Variants in CDH7 observed in about 807,000 individuals in gnomAD.
CDH7 encodes cadherin 7, also known as cadherin-7.
CDH7 carries 25 observed loss-of-function variants against 71.8 expected under a neutral mutation model. That is an observed-to-expected ratio of 0.35 (90% CI 0.25 to 0.49). The LOEUF (loss-of-function observed/expected upper bound fraction) is 0.49. CDH7 is among the 20% of genes least tolerant of loss of function. The pLI is 0.99. For missense variants in CDH7, 862 were observed against 974.6 expected, an observed-to-expected ratio of 0.88 and a Z score of 1.54; for synonymous variants, 381 against 363.8, an observed-to-expected ratio of 1.05 and a Z score of -0.54.
chr18:65,820,864 G>T (rs1045258649), intron 4 of CDH7, among the ~76,000 whole-genome samples: 1 of 151,964 alleles, frequency 6.6e-6, no homozygotes, highest in African/African-American at 2.4e-5. Flanking sequence ...TTAGTTGAGG[G>T]GTTATAGACT....
intron 7 of CDH7, among the ~76,000 whole-genome samples, chr18:65,848,035 A>G (rs1390685008): frequency 6.6e-6 from 1 of 151,990 alleles, no homozygotes; most frequent in Non-Finnish European, 1.5e-5. Context: ...TTGTTATTTG[A>G]TAAGTAGCTG....
chr18:65,836,207 G>C (rs1418584916), intron 6 of CDH7, among the ~76,000 whole-genome samples: 1 of 152,162 alleles, frequency 6.6e-6, no homozygotes, highest in Non-Finnish European at 1.5e-5. Flanking sequence ...AAGCCACTAA[G>C]ATTTTGGTAA....
At chr18:65,763,594 GGTGTGTGTGTGTGT>G (rs71167145) in intron 2 of CDH7, among the ~76,000 whole-genome samples, 1 of 99,130 alleles carries the variant, frequency 1.0e-5, no homozygotes, top group Non-Finnish European at 2.0e-5. Flanking sequence ...TTGATAGGGG[GGTGTGTGTGTGTGT>G]GTGTGTGTGT....
intron 6 of CDH7, among the ~76,000 whole-genome samples, chr18:65,825,535 A>G (rs1912097300): frequency 6.6e-6 from 1 of 151,896 alleles, no homozygotes; most frequent in South Asian, 2.1e-4. Context: ...CAAAAATAAT[A>G]ACTCAAAAGC....
At chr18:65,791,361 T>C (rs140485074) in intron 2 of CDH7, among the ~76,000 whole-genome samples, 269 of 152,354 alleles carry the variant, frequency 1.8e-3, no homozygotes, top group Non-Finnish European at 3.1e-3. Context: ...CTTAATCCAG[T>C]AGCGCTAACA....
At chr18:65,774,780 G>T (rs1188262388) in intron 2 of CDH7, among the ~76,000 whole-genome samples, 7 of 152,076 alleles carry the variant, frequency 4.6e-5, no homozygotes, top group African/African-American at 1.7e-4. Context: ...GATGATGCAG[G>T]ATCATGAATA....
rs992525152 is a variant in CDH7, at chr18:65,813,409, C to T, written c.506-1076C>T. Among the ~76,000 whole-genome samples, 9 of 151,956 alleles carry T rather than the reference C, an allele frequency of 5.9e-5. No homozygotes were observed. In the East Asian group the frequency reaches 9.7e-4, roughly 16 times the overall value. On this transcript the variant is annotated intron_variant, in intron 3 of 11. Transcript: ENST00000397968. ...GTACACTTAACTTTCATAATTTCCA[C>T]GTAATTTTAAAGAAAATGGAATTGG... is the stretch of plus-strand genomic sequence containing the variant.
rs763880364 is a variant in CDH7, at chr18:65,801,506, C to T, written c.211-8198C>T. Among the ~76,000 whole-genome samples the T allele has an allele frequency of 7.9e-5, 12 of 152,152 alleles. No individual in the cohort carries two copies. The South Asian group carries it at 8.3e-4, about 11-fold the overall frequency. On this transcript the variant is annotated intron_variant, in intron 2 of 11. Transcript: ENST00000397968. The stretch of plus-strand genomic sequence containing the variant: ...ACCAACTTTTCTAAATAAATATTAC[C>T]GAATAGCAATGTATATGCACACTTT...
intron 3 of CDH7, among the ~76,000 whole-genome samples, chr18:65,813,158 C>CCAG (rs1411288306): frequency 2.0e-5 from 3 of 152,100 alleles, no homozygotes; most frequent in Admixed American, 6.5e-5. Context: ...CATGGAGAAA[C>CCAG]CCTGTCTCTA....
intron 1 of CDH7, among the ~76,000 whole-genome samples, chr18:65,754,616 ATTAAGT>A (rs1333957459): frequency 6.6e-6 from 1 of 152,216 alleles, no homozygotes; most frequent in Admixed American, 6.5e-5. Context: ...AGATAGCAAC[ATTAAGT>A]TTAGGATGAT....
intron 6 of CDH7, among the ~76,000 whole-genome samples, chr18:65,829,038 A>G (rs1912234196): frequency 6.6e-6 from 1 of 152,224 alleles, no homozygotes; most frequent in Non-Finnish European, 1.5e-5. Flanking sequence ...CCATTCTGAG[A>G]CAGAACCATT....
intron 3 of CDH7, among the ~76,000 whole-genome samples, chr18:65,811,049 A>G (rs1293721503): frequency 6.6e-6 from 1 of 152,172 alleles, no homozygotes; most frequent in Non-Finnish European, 1.5e-5. Flanking sequence ...TATAAAAAAT[A>G]CAAAGTTATT....
chr18:65,864,479 A>T, intron 11 of CDH7, among the ~76,000 whole-genome samples: 1 of 151,676 alleles, frequency 6.6e-6, no homozygotes, highest in Middle Eastern at 3.4e-3. Flanking sequence ...TCTTCTTCCA[A>T]TGTGGTGCAG....
intron 4 of CDH7, among the ~76,000 whole-genome samples, chr18:65,815,865 C>T (rs989059519): frequency 3.9e-5 from 6 of 152,134 alleles, no homozygotes; most frequent in Non-Finnish European, 7.4e-5. Context: ...CCTTCTATGC[C>T]TACTCTTGGC....
chr18:65,795,526 G>A (rs1441069600), intron 2 of CDH7, among the ~76,000 whole-genome samples: 6 of 152,110 alleles, frequency 3.9e-5, no homozygotes, highest in Non-Finnish European at 8.8e-5. Context: ...TCTATAATGT[G>A]ACAGGATGAA....
In CDH7 at chr18:65,809,796, T is replaced by G. The variant is rs747494494; in HGVS notation, c.303T>G (p.Thr101=). The change falls in exon 3 of 12, where the codon ACT becomes ACG. Residue 101 remains threonine (T), a synonymous_variant. Coordinates refer to ENST00000397968, the MANE Select transcript of CDH7 (RefSeq NM_004361.5). ...CCATTTTCATTATTGATGAGAACAC[T>G]GGGGATATTCATGCCACCAAGAGAC... The part of the protein sequence containing the change: ...ASSIFIIDEN[T]GDIHATKRLD... 2 of 1,614,016 alleles carry G rather than the reference T, an allele frequency of 1.2e-6. No individual in the cohort carries two copies. The highest frequency in any genetic ancestry group is 2.2e-5 in the South Asian group (2 of 91,072).
intron 11 of CDH7, among the ~76,000 whole-genome samples, chr18:65,873,308 AC>A (rs1913980845): frequency 6.6e-6 from 1 of 152,222 alleles, no homozygotes; most frequent in Non-Finnish European, 1.5e-5. Flanking sequence ...TACCTCTAAG[AC>A]CATATGCAAT....
chr18:65,831,276 A>G (rs1345240830), intron 6 of CDH7, among the ~76,000 whole-genome samples: 1 of 152,160 alleles, frequency 6.6e-6, no homozygotes, highest in African/African-American at 2.4e-5. Flanking sequence ...TAACCATGGA[A>G]GAGCAACCTG....
chr18:65,845,199 GTA>G (rs1568216318), intron 7 of CDH7, among the ~76,000 whole-genome samples: 1 of 151,104 alleles, frequency 6.6e-6, no homozygotes, highest in Non-Finnish European at 1.5e-5. Flanking sequence ...ATGTATATGT[GTA>G]TATATATGTA....
Sources: gnomAD v4.1 joint callset for allele counts (sites outside exome capture counted in the v4.1 genomes callset) on GRCh38, gnomAD v4.1.1 for gene constraint, MANE v1.5 for transcripts, NCBI Gene and HGNC (gene_info 2026-07-23, HGNC 2026-07-21) for gene names.